Variants in CYTIP observed in about 807,000 individuals in gnomAD.
CYTIP encodes cytohesin-interacting protein.
Under a neutral mutation model 43.8 loss-of-function variants are expected in CYTIP, and 26 were observed. The observed-to-expected ratio is 0.59, with a 90% CI of 0.44 to 0.82. The LOEUF (loss-of-function observed/expected upper bound fraction) is 0.82. Among genes scored for constraint, CYTIP ranks in the 40% least tolerant of loss-of-function variants. The pLI, the probability that CYTIP is intolerant of heterozygous loss-of-function variation, is 0.00. For missense variants in CYTIP, 426 were observed against 443.1 expected, an observed-to-expected ratio of 0.96 and a Z score of 0.35; for synonymous variants, 162 against 162.9, an observed-to-expected ratio of 0.99 and a Z score of 0.04.
intron 1 of CYTIP, among the ~76,000 whole-genome samples, chr2:157,439,750 C>CT (rs1294445311): frequency 6.6e-6 from 1 of 152,256 alleles, no homozygotes; most frequent in Non-Finnish European, 1.5e-5. Flanking sequence ...GACAAAGCTT[C>CT]TTAACTCCTT....
intron 1 of CYTIP, among the ~76,000 whole-genome samples, chr2:157,441,990 C>T (rs544574390): frequency 3.9e-5 from 6 of 152,248 alleles, no homozygotes; most frequent in Admixed American, 6.5e-5. Flanking sequence ...AGCAGCCCAG[C>T]GCTGAGATCT....
chr2:157,443,752 C>A, intron 1 of CYTIP, 95 bp downstream of exon 1: 1 of 1,341,476 alleles, frequency 7.5e-7, no homozygotes, highest in South Asian at 1.6e-5. Flanking sequence ...TCCAAAGCCT[C>A]TAAAATATCA....
At chr2:157,422,743 AT>A (rs1685542017) in intron 6 of CYTIP, among the ~76,000 whole-genome samples, 3 of 152,008 alleles carry the variant, frequency 2.0e-5, no homozygotes, top group Admixed American at 2.0e-4. Context: ...TCTGAGAGAT[AT>A]AATCCTCTGA....
chr2:157,438,017 T>C (rs1031741979), intron 1 of CYTIP, among the ~76,000 whole-genome samples: 1 of 152,196 alleles, frequency 6.6e-6, no homozygotes, highest in Non-Finnish European at 1.5e-5. Context: ...GCAATCCCAC[T>C]ACTGGGAATT....
intron 5 of CYTIP, among the ~76,000 whole-genome samples, chr2:157,428,583 C>A (rs1314026485): frequency 6.6e-6 from 1 of 152,206 alleles, no homozygotes; most frequent in East Asian, 1.9e-4. Context: ...CAGACTGTCT[C>A]CCATTTTCCC....
At position 157,434,050 on chromosome 2, in the gene CYTIP, C is replaced by T. The variant is rs1436157444; in HGVS notation, c.279+320G>A. The stretch of plus-strand genomic sequence containing the variant: ...ACATGCAAATATATCAAGTACACAT[C>T]TGTAAAATGTATTTCACTCTCTTAT... On this transcript the variant is annotated intron_variant, in intron 3 of 7. Transcript: ENST00000264192. 8.0e-6 allele frequency: 3 copies of T among 374,598 alleles called. No homozygotes were observed. In the Admixed American group the frequency reaches 1.3e-4, roughly 17 times the overall value. 23.2% of individuals were successfully genotyped at this position (374,598 alleles called of 1,614,324 possible).
intron 1 of CYTIP, among the ~76,000 whole-genome samples, chr2:157,438,324 G>A (rs996760016): frequency 2.0e-5 from 3 of 152,174 alleles, no homozygotes; most frequent in Non-Finnish European, 4.4e-5. Flanking sequence ...GCTAAAAAAA[G>A]TTGATCTCAT....
intron 3 of CYTIP, 97 bp downstream of exon 3, chr2:157,434,273 T>G: frequency 1.0e-6 from 1 of 986,106 alleles, no homozygotes; most frequent in South Asian, 1.3e-5. Flanking sequence ...GGCTCCATCA[T>G]TCTCTAATCC....
chr2:157,440,337 A>C (rs1223602766), intron 1 of CYTIP, among the ~76,000 whole-genome samples: 1 of 152,238 alleles, frequency 6.6e-6, no homozygotes, highest in Non-Finnish European at 1.5e-5. Context: ...AGAAACCGAA[A>C]TACAATACCG....
chr2:157,427,470 G>C, intron 5 of CYTIP, 50 bp from the exon 6 acceptor site: 3 of 1,384,420 alleles, frequency 2.2e-6, no homozygotes, highest in Non-Finnish European at 3.0e-6. Flanking sequence ...TGAGTAACAT[G>C]AGTGATTCGT....
At chr2:157,430,082 T>A (rs948723084) in intron 5 of CYTIP, among the ~76,000 whole-genome samples, 1 of 150,708 alleles carries the variant, frequency 6.6e-6, no homozygotes, top group Non-Finnish European at 1.5e-5. Flanking sequence ...TGAGTATGTG[T>A]GTTTCAGGGT....
intron 3 of CYTIP, 135 bp downstream of exon 3, chr2:157,434,235 A>C (rs1685757481): frequency 1.3e-6 from 1 of 752,672 alleles, no homozygotes; most frequent in Non-Finnish European, 2.3e-6. Context: ...ACTACCCCCA[A>C]ACAGCCACAC....
Position 157,415,449 on chromosome 2 carries a change from T to G in CYTIP, c.*228A>C, listed in dbSNP as rs1685424645. ...GCAGGAACCTGCATCTTTGTTATAT[T>G]AATTAACTTATTATTTAGTTTTCCT... On this transcript the variant is annotated 3_prime_UTR_variant, in exon 8 of 8. Coordinates refer to ENST00000264192, the MANE Select transcript of CYTIP (RefSeq NM_004288.5). 2.2e-6 allele frequency: 1 copy of G among 463,836 alleles called. No individual in the cohort carries two copies. The highest frequency in any genetic ancestry group is 3.9e-6 in the Non-Finnish European group (1 of 257,210). 28.7% of individuals were successfully genotyped at this position (463,836 alleles called of 1,614,324 possible). A position where few individuals can be genotyped will look rare whatever the true frequency, so the allele number is the denominator to read the frequency against.
At chr2:157,425,600 A>C (rs1290899364) in intron 6 of CYTIP, among the ~76,000 whole-genome samples, 4 of 152,176 alleles carry the variant, frequency 2.6e-5, no homozygotes. Flanking sequence ...AGGCAAAAAC[A>C]TGCAAAGAAT....
intron 4 of CYTIP, 54 bp downstream of exon 4, chr2:157,430,806 T>C: frequency 1.3e-6 from 2 of 1,530,376 alleles, no homozygotes; most frequent in Non-Finnish European, 1.8e-6. Context: ...TCTCAAAACA[T>C]TTTATTTTCT....
chr2:157,419,974 A>C (rs1012014303), intron 6 of CYTIP, among the ~76,000 whole-genome samples: 15 of 152,246 alleles, frequency 9.9e-5, no homozygotes, highest in Admixed American at 8.5e-4. Flanking sequence ...GCAATAAATC[A>C]ATCAAATGCT....
chr2:157,442,916 C>T lies in CYTIP; in HGVS notation c.174+931G>A, dbSNP rs190559237. ...ATTCTAAATATTTTCTGTAGAAATG[C>T]TACATCGAAATTCAAATATGTACCT... On this transcript the variant is annotated intron_variant, in intron 1 of 7. Coordinates refer to ENST00000264192, the MANE Select transcript of CYTIP (RefSeq NM_004288.5). Among the ~76,000 whole-genome samples, 49 of 152,054 alleles carry T rather than the reference C, an allele frequency of 3.2e-4. 1 individual carries two copies. The highest frequency in any genetic ancestry group is 1.1e-3 in the African/African-American group (47 of 41,470).
chr2:157,422,415 C>T (rs1404928302), intron 6 of CYTIP, among the ~76,000 whole-genome samples: 1 of 152,154 alleles, frequency 6.6e-6, no homozygotes, highest in Non-Finnish European at 1.5e-5. Flanking sequence ...CACCTGTAAT[C>T]CCAGCACTTT....
At chr2:157,442,231 G>A (rs1685930061) in intron 1 of CYTIP, among the ~76,000 whole-genome samples, 1 of 152,108 alleles carries the variant, frequency 6.6e-6, no homozygotes, top group African/African-American at 2.4e-5. Context: ...TTACTTTGCA[G>A]AAAACCCATT....
Sources: gnomAD v4.1 joint callset for allele counts (sites outside exome capture counted in the v4.1 genomes callset) on GRCh38, gnomAD v4.1.1 for gene constraint, MANE v1.5 for transcripts, NCBI Gene and HGNC (gene_info 2026-07-23, HGNC 2026-07-21) for gene names.